PDZD2: variants seen among roughly 807,000 people sequenced by gnomAD.
The protein encoded by PDZD2 is PDZ domain-containing protein 2.
PDZD2 carries 90 observed loss-of-function variants against 220.7 expected under a neutral mutation model. The ratio of observed to expected loss-of-function variants is 0.41; its 90% CI spans 0.34 to 0.49. The LOEUF is 0.49. Ranked by LOEUF, PDZD2 falls within the 20% of genes least tolerant of loss-of-function variation. The probability of loss-of-function intolerance (pLI) is 0.28; values close to 1 mark genes in which losing one functional copy is unlikely to be tolerated. For missense variants in PDZD2, 3,174 were observed against 3,608.5 expected, an observed-to-expected ratio of 0.88 and a Z score of 3.08; for synonymous variants, 1,375 against 1,450.5, an observed-to-expected ratio of 0.95 and a Z score of 1.18.
At chr5:31,839,605 T>G (rs1432320911) in intron 2 of PDZD2, among the ~76,000 whole-genome samples, 1 of 152,174 alleles carries the variant, frequency 6.6e-6, no homozygotes, top group East Asian at 1.9e-4. Context: ...CCCAGCACTT[T>G]GGTAGGCTGA....
intron 2 of PDZD2, among the ~76,000 whole-genome samples, chr5:31,920,520 AAAAAGT>A (rs59972692): frequency 0.4 from 37,899 of 95,870 alleles, 5,218 homozygotes; most frequent in South Asian, 0.55. Flanking sequence ...AAAAAAAAAA[AAAAAGT>A]CCAGGCACTC....
intron 1 of PDZD2, among the ~76,000 whole-genome samples, chr5:31,766,603 G>C (rs990566039): frequency 1.3e-5 from 2 of 152,204 alleles, no homozygotes; most frequent in Admixed American, 1.3e-4. Flanking sequence ...TGTTGCCTAG[G>C]CTGGCCTCTA....
At chr5:31,931,157 G>C (rs1381449734) in intron 2 of PDZD2, among the ~76,000 whole-genome samples, 1 of 152,112 alleles carries the variant, frequency 6.6e-6, no homozygotes, top group African/African-American at 2.4e-5. Flanking sequence ...TGAGTAGCTG[G>C]GATTACAGGC....
chr5:31,843,503 G>C (rs965989244), intron 2 of PDZD2: 1 of 152,204 alleles, frequency 6.6e-6, no homozygotes, highest in African/African-American at 2.4e-5. Context: ...CTGACCTCAA[G>C]TGTCCGCCTG....
chr5:31,750,889 A>G (rs1395667074), intron 1 of PDZD2, among the ~76,000 whole-genome samples: 1 of 152,150 alleles, frequency 6.6e-6, no homozygotes, highest in Non-Finnish European at 1.5e-5. Context: ...TTTGAAAGCC[A>G]CGGTGAAGAC....
chr5:32,073,891 G>T lies in PDZD2; in HGVS notation c.2785G>T (p.Ala929Ser). The T allele has an allele frequency of 6.2e-7, 1 of 1,614,134 alleles. No individual in the cohort carries two copies. Among genetic ancestry groups the T allele is most frequent in the Non-Finnish European group, 8.5e-7 (1 of 1,180,008 alleles). The change falls in exon 18 of 25, where the codon GCT (alanine) becomes TCT (serine). Residue 929 changes from alanine (A) to serine (S), a missense_variant. Ala to Ser is a moderately conservative substitution (Grantham distance 99, BLOSUM62 1). Transcript: ENST00000438447. ...CCTCGTGACTCTTGGGAGCCATCGG[G>T]CTTCTGGGCTCTTCCACAAGCAGGT... ...NSLVTLGSHR[A>S]SGLFHKQVTV...
chr5:32,086,598 T>C (rs1194554254), intron 19 of PDZD2, among the ~76,000 whole-genome samples: 3 of 152,200 alleles, frequency 2.0e-5, no homozygotes, highest in East Asian at 1.9e-4. Context: ...ATGTGGGTAC[T>C]CTATAATTTT....
chr5:31,969,578 G>C (rs1312209509), intron 2 of PDZD2, among the ~76,000 whole-genome samples: 2 of 146,834 alleles, frequency 1.4e-5, no homozygotes, highest in Non-Finnish European at 3.0e-5. Context: ...TAGGGGGTAA[G>C]TGGCTCTAGA....
At chr5:32,007,952 A>C (rs1423213555) in intron 5 of PDZD2, among the ~76,000 whole-genome samples, 4 of 152,092 alleles carry the variant, frequency 2.6e-5, no homozygotes, top group Non-Finnish European at 5.9e-5. Flanking sequence ...TGTACATAAG[A>C]TCAAAGGGCT....
intron 14 of PDZD2, among the ~76,000 whole-genome samples, chr5:32,065,052 C>A (rs1370833661): frequency 6.6e-6 from 1 of 151,980 alleles, no homozygotes; most frequent in Admixed American, 6.6e-5. Context: ...GTAATCCTAG[C>A]ACTTTAGGAG....
At chr5:31,793,931 A>T (rs1326242786) in intron 1 of PDZD2, among the ~76,000 whole-genome samples, 1 of 152,220 alleles carries the variant, frequency 6.6e-6, no homozygotes, top group Non-Finnish European at 1.5e-5. Context: ...GGGCGGAGTT[A>T]GTATGAAATG....
chr5:31,890,445 GT>G (rs1251154031), intron 2 of PDZD2, among the ~76,000 whole-genome samples: 1 of 152,178 alleles, frequency 6.6e-6, no homozygotes, highest in Non-Finnish European at 1.5e-5. Flanking sequence ...AGGGACAGAG[GT>G]TTGGTAGAGG....
chr5:31,972,411 G>C (rs927347897), intron 2 of PDZD2, among the ~76,000 whole-genome samples: 2 of 151,636 alleles, frequency 1.3e-5, no homozygotes, highest in East Asian at 1.9e-4. Flanking sequence ...ACAGCACCCA[G>C]CCTTTTCAGT....
At position 31,993,474 on chromosome 5, in the gene PDZD2, G is replaced by GA. The variant is rs146727835; in HGVS notation, c.979-2102_979-2101insA. Among the ~76,000 whole-genome samples, 757 of 152,054 alleles carry GA rather than the reference G, an allele frequency of 5.0e-3. 8 individuals carry two copies. The highest frequency in any genetic ancestry group is 0.017 in the African/African-American group (695 of 41,480). On this transcript the variant is annotated intron_variant, in intron 3 of 24. Transcript: ENST00000438447. ...GCACATCAATGACTGCCCAACATCT[G>GA]TTTTTTTTACTGTTGCATAAAGTTT...
At chr5:31,861,080 C>G (rs528655846) in intron 2 of PDZD2, among the ~76,000 whole-genome samples, 1 of 152,142 alleles carries the variant, frequency 6.6e-6, no homozygotes, top group Non-Finnish European at 1.5e-5. Flanking sequence ...AAGGTATGCC[C>G]ACTACCAAGA....
At chr5:32,068,497 C>T (rs912813170) in intron 14 of PDZD2, among the ~76,000 whole-genome samples, 2 of 152,112 alleles carry the variant, frequency 1.3e-5, no homozygotes, top group South Asian at 2.1e-4. Context: ...TTGATGAAGC[C>T]GTATGCTAAT....
intron 1 of PDZD2, among the ~76,000 whole-genome samples, chr5:31,736,257 G>A (rs1749854575): frequency 6.6e-6 from 1 of 152,128 alleles, no homozygotes; most frequent in African/African-American, 2.4e-5. Flanking sequence ...TTATCTTCCT[G>A]TCACTGCTCG....
intron 2 of PDZD2, among the ~76,000 whole-genome samples, chr5:31,818,217 C>T (rs1755595982): frequency 6.6e-6 from 1 of 152,074 alleles, no homozygotes; most frequent in African/African-American, 2.4e-5. Context: ...AGCAATCCAC[C>T]TTCCTCAGCC....
chr5:31,756,160 C>A (rs907408495), intron 1 of PDZD2, among the ~76,000 whole-genome samples: 5 of 152,148 alleles, frequency 3.3e-5, no homozygotes, highest in African/African-American at 9.7e-5. Flanking sequence ...AACGCAGAAG[C>A]CCCGGCCCCT....
Sources: gnomAD v4.1 joint callset for allele counts (sites outside exome capture counted in the v4.1 genomes callset) on GRCh38, gnomAD v4.1.1 for gene constraint, MANE v1.5 for transcripts, NCBI Gene and HGNC (gene_info 2026-07-23, HGNC 2026-07-21) for gene names.